CD200R1: variants seen among roughly 807,000 people sequenced by gnomAD.
The protein encoded by CD200R1 is CD200 receptor 1, also known as cell surface glycoprotein CD200 receptor 1.
CD200R1 carries 30 observed loss-of-function variants against 38.1 expected under a neutral mutation model. The observed-to-expected ratio is 0.79, with a 90% CI of 0.59 to 1.07. CD200R1 has a LOEUF of 1.07. Among genes scored for constraint, CD200R1 ranks in the 50% least tolerant of loss-of-function variants. CD200R1 has a pLI of 0.00. For synonymous variants in CD200R1, 128 were observed against 152.1 expected, an observed-to-expected ratio of 0.84 and a Z score of 1.16; for missense variants, 372 against 415.4, an observed-to-expected ratio of 0.90 and a Z score of 0.91.
intron 1 of CD200R1, among the ~76,000 whole-genome samples, chr3:112,952,318 T>A (rs1391318692): frequency 6.6e-6 from 1 of 152,220 alleles, no homozygotes; most frequent in African/African-American, 2.4e-5. Flanking sequence ...GAAAAGCTAC[T>A]AATTTTTAAT....
chr3:112,973,057 T>C (rs1042381637), intron 1 of CD200R1, among the ~76,000 whole-genome samples: 2 of 152,250 alleles, frequency 1.3e-5, no homozygotes, highest in Non-Finnish European at 2.9e-5. Context: ...ATGTAGTCTT[T>C]CCTAGTTGTG....
At chr3:112,974,017 T>C (rs546810717) in intron 1 of CD200R1, among the ~76,000 whole-genome samples, 1 of 152,284 alleles carries the variant, frequency 6.6e-6, no homozygotes, top group Non-Finnish European at 1.5e-5. Flanking sequence ...ACTGTAACTG[T>C]AGGCATATTA....
Position 112,942,300 on chromosome 3 carries a change from A to G in CD200R1, c.136+5556T>C, listed in dbSNP as rs553897956. ...ATGTATAAGAAGAATGAATAAAATA[A>G]TGATACAAGGAAAGGAAGGAAGGAA... On this transcript the variant is annotated intron_variant, in intron 2 of 7. Coordinates refer to ENST00000308611, the MANE Select transcript of CD200R1 (RefSeq NM_138806.4). 3.3e-5 allele frequency among the ~76,000 whole-genome samples: 5 copies of G among 151,876 alleles called. No individual in the cohort carries two copies. The South Asian group carries it at 1.0e-3, about 32-fold the overall frequency.
At position 112,929,420 on chromosome 3, in the gene CD200R1, C is replaced by T. The variant is rs1003117339; in HGVS notation, c.290G>A (p.Trp97Ter). The T allele has an allele frequency of 1.9e-6, 3 of 1,613,846 alleles. 1 individual carries two copies. The highest frequency in any genetic ancestry group is 2.5e-6 in the Non-Finnish European group (3 of 1,179,854). ...AGGCTGGCCTCTCAGGATTATTTCCCATGTTATTATGATCAAATTTCTTAA... is the reference window on the plus strand; with the variant it reads ...AGGCTGGCCTCTCAGGATTATTTCCTATGTTATTATGATCAAATTTCTTAA... Reference protein sequence around the residue: ...IALRNLIIITWEIILRGQPSC... With the variant: ...IALRNLIIIT The change falls in exon 4 of 8, where the codon TGG (tryptophan) becomes TAG (stop). Residue 97 changes from tryptophan to a stop codon, truncating the protein, a stop_gained. Coordinates refer to ENST00000308611, the MANE Select transcript of CD200R1 (RefSeq NM_138806.4). LOFTEE classifies it high-confidence loss of function.
Position 112,931,092 on chromosome 3 carries a change from A to T in CD200R1, c.202+14T>A. On this transcript the variant is annotated intron_variant, in intron 3 of 7. Transcript: ENST00000308611. ...CATCCCTAGGTGCTGGCCACTAGTA[A>T]GGAAGCATATTACCTTCTGCGAGTA... 6.3e-7 allele frequency: 1 copy of T among 1,592,826 alleles called. No homozygotes were observed. The highest frequency in any genetic ancestry group is 8.6e-7 in the Non-Finnish European group (1 of 1,160,668).
chr3:112,939,688 C>A (rs1244356895), intron 2 of CD200R1, among the ~76,000 whole-genome samples: 1 of 151,502 alleles, frequency 6.6e-6, no homozygotes, highest in Admixed American at 6.6e-5. Flanking sequence ...ACTAGAATAA[C>A]TAATATTGTT....
chr3:112,961,180 T>C, intron 1 of CD200R1, among the ~76,000 whole-genome samples: 1 of 152,078 alleles, frequency 6.6e-6, no homozygotes, highest in East Asian at 1.9e-4. Flanking sequence ...CCCTGGAATC[T>C]CGCAGGGGTT....
rs555760024 is a variant in CD200R1, at chr3:112,949,387, G to T, written c.68-1463C>A. Among the ~76,000 whole-genome samples the T allele has an allele frequency of 7.2e-4, 109 of 152,320 alleles. 1 individual carries two copies. The highest frequency in any genetic ancestry group is 2.6e-3 in the African/African-American group (108 of 41,570). ...TTTTAATCTACTGCCCCTTTCAGCT[G>T]CCATTTTCTTTAGCAAACTGTTCTT... On this transcript the variant is annotated intron_variant, in intron 1 of 7. Transcript: ENST00000308611.
At chr3:112,949,187 G>A (rs1354984167) in intron 1 of CD200R1, among the ~76,000 whole-genome samples, 1 of 152,220 alleles carries the variant, frequency 6.6e-6, no homozygotes, top group East Asian at 1.9e-4. Context: ...ACCTGGATGT[G>A]TAATTGGAGT....
chr3:112,963,302 A>G (rs1933069175), intron 1 of CD200R1, among the ~76,000 whole-genome samples: 2 of 152,228 alleles, frequency 1.3e-5, no homozygotes, highest in Admixed American at 1.3e-4. Flanking sequence ...GGAGGGTAGC[A>G]GGTAGAGGTT....
chr3:112,932,205 G>A (rs902613228), intron 2 of CD200R1, among the ~76,000 whole-genome samples: 1 of 152,112 alleles, frequency 6.6e-6, no homozygotes, highest in Non-Finnish European at 1.5e-5. Flanking sequence ...AGTACACCGT[G>A]TCCTGGGGAC....
intron 1 of CD200R1, among the ~76,000 whole-genome samples, chr3:112,962,010 C>A (rs9883749): frequency 0.26 from 39,327 of 151,788 alleles, 6,160 homozygotes; most frequent in Non-Finnish European, 0.36. Context: ...TTCAAAACAA[C>A]AATTCAATAA....
intron 1 of CD200R1, among the ~76,000 whole-genome samples, chr3:112,949,460 T>C (rs962958971): frequency 8.5e-5 from 13 of 152,240 alleles, no homozygotes; most frequent in African/African-American, 2.7e-4. Flanking sequence ...TTTTGGGTAA[T>C]TTGCCTATGT....
chr3:112,967,991 A>C (rs1296523372), intron 1 of CD200R1, among the ~76,000 whole-genome samples: 1 of 152,236 alleles, frequency 6.6e-6, no homozygotes, highest in Non-Finnish European at 1.5e-5. Flanking sequence ...TATACTTCTT[A>C]ATAGTGTCAT....
intron 1 of CD200R1, among the ~76,000 whole-genome samples, chr3:112,956,707 G>A (rs372888242): frequency 2.6e-4 from 39 of 152,298 alleles, no homozygotes; most frequent in African/African-American, 8.4e-4. Context: ...CTACTGGCAT[G>A]ATCCCTATGC....
At chr3:112,932,018 C>A (rs1940454378) in intron 2 of CD200R1, among the ~76,000 whole-genome samples, 1 of 152,118 alleles carries the variant, frequency 6.6e-6, no homozygotes, top group Non-Finnish European at 1.5e-5. Flanking sequence ...AGAGTTATTT[C>A]AAGAGAATTT....
At chr3:112,941,445 TATAA>T (rs749792843) in intron 2 of CD200R1, among the ~76,000 whole-genome samples, 6 of 151,576 alleles carry the variant, frequency 4.0e-5, no homozygotes, top group Non-Finnish European at 5.9e-5. Flanking sequence ...TTAAAATTAA[TATAA>T]ATAAGTAACT....
chr3:112,969,586 A>T (rs1485679652), intron 1 of CD200R1, among the ~76,000 whole-genome samples: 1 of 152,210 alleles, frequency 6.6e-6, no homozygotes, highest in Non-Finnish European at 1.5e-5. Flanking sequence ...TACTTAGACC[A>T]AAGTCAGACC....
chr3:112,921,517 G>A lies in CD200R1; in HGVS notation c.*2160C>T, dbSNP rs1200561387. On this transcript the variant is annotated 3_prime_UTR_variant, in exon 8 of 8. Coordinates refer to ENST00000308611, the MANE Select transcript of CD200R1 (RefSeq NM_138806.4). The stretch of plus-strand genomic sequence containing the variant: ...CAAAGGAAAAGATACAAAATGGGAT[G>A]GGGAGAAAGCACAGTAAATGAGACA... The A allele has an allele frequency of 6.6e-6, 1 of 151,948 alleles. No homozygotes were observed. The highest frequency in any genetic ancestry group is 6.6e-5 in the Admixed American group (1 of 15,212). 9.4% of individuals were successfully genotyped at this position (151,948 alleles called of 1,614,324 possible).
Sources: allele counts gnomAD v4.1 joint callset (sites outside exome capture counted in the v4.1 genomes callset), GRCh38; gene constraint gnomAD v4.1.1; transcripts MANE v1.5; gene names NCBI Gene and HGNC (gene_info 2026-07-23, HGNC 2026-07-21).